VWF: variants seen among roughly 807,000 people sequenced by gnomAD.
The protein encoded by VWF is von Willebrand factor, also known as Factor VIII related antigen.
In VWF, 176 loss-of-function variants were observed where a neutral mutation model predicts 308.6. That is an observed-to-expected ratio of 0.57 (90% CI 0.50 to 0.65). The LOEUF (loss-of-function observed/expected upper bound fraction) is 0.65, where lower values mean the gene tolerates loss of function less well. Ranked by LOEUF, VWF falls within the 30% of genes least tolerant of loss-of-function variation. The pLI, the probability that VWF is intolerant of heterozygous loss-of-function variation, is 0.00. For synonymous variants in VWF, 1,385 were observed against 1,443.4 expected (o/e 0.96, Z 0.92); for missense variants, 3,146 against 3,648.2 (o/e 0.86, Z 3.55).
intron 15 of VWF, among the ~76,000 whole-genome samples, chr12:6,054,067 A>G (rs1303618304): frequency 6.6e-6 from 1 of 152,108 alleles, no homozygotes; most frequent in Non-Finnish European, 1.5e-5. Context: ...GACCATCACA[A>G]TCCTTCCCCT....
At chr12:6,105,388 C>T (rs1332007352) in intron 5 of VWF, among the ~76,000 whole-genome samples, 1 of 152,070 alleles carries the variant, frequency 6.6e-6, no homozygotes, top group Non-Finnish European at 1.5e-5. Flanking sequence ...GCTACCACCC[C>T]CAGCTAATTT....
intron 34 of VWF, among the ~76,000 whole-genome samples, chr12:6,010,851 TG>T (rs1743685387): frequency 6.6e-6 from 1 of 152,038 alleles, no homozygotes; most frequent in Non-Finnish European, 1.5e-5. Flanking sequence ...TACGCAAGAG[TG>T]GGTATCTAGT....
chr12:6,059,289 T>G (rs909605504), intron 13 of VWF, among the ~76,000 whole-genome samples: 1 of 152,208 alleles, frequency 6.6e-6, no homozygotes, highest in Non-Finnish European at 1.5e-5. Context: ...TCTATCACTT[T>G]CCGATCTATA....
chr12:6,029,619 C>T, intron 21 of VWF, 131 bp from the exon 22 acceptor site: 1 of 1,222,656 alleles, frequency 8.2e-7, no homozygotes, highest in Admixed American at 2.0e-5. Context: ...CCTCCAGGAC[C>T]CCACCTGCCA....
At chr12:6,003,963 C>T (rs372618687) in intron 34 of VWF, among the ~76,000 whole-genome samples, 10 of 151,940 alleles carry the variant, frequency 6.6e-5, no homozygotes, top group African/African-American at 2.4e-4. Context: ...CTACAGGCGC[C>T]CGCCACCACG....
chr12:6,117,912 G>A (rs144504706), intron 3 of VWF, among the ~76,000 whole-genome samples: 6 of 152,318 alleles, frequency 3.9e-5, no homozygotes, highest in Non-Finnish European at 8.8e-5. Flanking sequence ...CGGGTTTTCC[G>A]ACTGCAACTC....
In VWF at chr12:6,061,031, T is replaced by C. The variant is rs575410337; in HGVS notation, c.1533+1923A>G. On this transcript the variant is annotated intron_variant, in intron 13 of 51. Coordinates refer to ENST00000261405, the MANE Select transcript of VWF (RefSeq NM_000552.5). Reference sequence around the variant, plus strand: ...GCCTGGCCAACATGGTGAAACCCCATCTCTATTAAAAATACAAAAATTAGC... The same window carrying C: ...GCCTGGCCAACATGGTGAAACCCCACCTCTATTAAAAATACAAAAATTAGC... 2.0e-5 allele frequency among the ~76,000 whole-genome samples: 3 copies of C among 152,168 alleles called. No homozygotes were observed. In the East Asian group the frequency reaches 5.8e-4, roughly 29 times the overall value.
At chr12:5,988,432 C>T (rs78064719) in intron 38 of VWF, among the ~76,000 whole-genome samples, 4 of 152,098 alleles carry the variant, frequency 2.6e-5, no homozygotes, top group Non-Finnish European at 5.9e-5. Context: ...TGAGGGGATG[C>T]GGAAGGAGAG....
At chr12:6,092,880 A>C (rs1945065493) in intron 6 of VWF, among the ~76,000 whole-genome samples, 1 of 151,900 alleles carries the variant, frequency 6.6e-6, no homozygotes, top group South Asian at 2.1e-4. Flanking sequence ...TGTATATGCA[A>C]ATGCCTCCTC....
chr12:6,095,466 C>T lies in VWF; in HGVS notation c.651G>A (p.Met217Ile). ...SSSCNISSGEMQKGLWEQCQL... is the reference protein window; with the variant it reads ...SSSCNISSGEIQKGLWEQCQL... ...CAGGCCAGTCCACACCCACCTTCTG[C>T]ATTTCCCCAGAGGAGATGTTGCATG... The change falls in exon 6 of 52, where the codon ATG becomes ATA. Residue 217 changes from methionine (M) to isoleucine (I), a missense_variant. Coordinates refer to ENST00000261405, the MANE Select transcript of VWF (RefSeq NM_000552.5). The T allele has an allele frequency of 6.2e-7, 1 of 1,614,106 alleles. No homozygotes were observed. The highest frequency in any genetic ancestry group is 8.5e-7 in the Non-Finnish European group (1 of 1,179,976).
At chr12:5,998,662 A>T (rs1466553482) in intron 34 of VWF, among the ~76,000 whole-genome samples, 1 of 151,414 alleles carries the variant, frequency 6.6e-6, no homozygotes, top group Non-Finnish European at 1.5e-5. Context: ...AATTACTATG[A>T]AAAAAGCATG....
chr12:5,962,538 CTTTTT>C (rs35124526), intron 47 of VWF, among the ~76,000 whole-genome samples: 112 of 101,594 alleles, frequency 1.1e-3, no homozygotes, highest in African/African-American at 4.1e-3. Flanking sequence ...ACAGGCAATT[CTTTTT>C]TTTTTTTTTT....
At chr12:6,051,130 AT>A (rs1944504731) in intron 16 of VWF, among the ~76,000 whole-genome samples, 1 of 152,150 alleles carries the variant, frequency 6.6e-6, no homozygotes, top group Non-Finnish European at 1.5e-5. Flanking sequence ...TTAAAAAACT[AT>A]TCCAGCCACA....
intron 6 of VWF, among the ~76,000 whole-genome samples, chr12:6,085,023 C>A (rs892866264): frequency 6.6e-6 from 1 of 152,214 alleles, no homozygotes; most frequent in Non-Finnish European, 1.5e-5. Flanking sequence ...ACATTCCTCT[C>A]TCTAAGATAG....
intron 6 of VWF, 168 bp downstream of exon 6, chr12:6,095,292 G>T (rs1945093317): frequency 9.4e-7 from 1 of 1,066,124 alleles, no homozygotes; most frequent in Non-Finnish European, 1.4e-6. Context: ...AGAGCTTCAG[G>T]CTCGAGATGT....
chr12:6,078,930 C>A (rs1260015406), intron 6 of VWF, among the ~76,000 whole-genome samples: 4 of 152,180 alleles, frequency 2.6e-5, no homozygotes, highest in Admixed American at 2.0e-4. Context: ...AAAGCCTTAG[C>A]AAGAAGGGTG....
intron 6 of VWF, among the ~76,000 whole-genome samples, chr12:6,079,408 C>T (rs1197945828): frequency 2.0e-5 from 3 of 152,036 alleles, no homozygotes; most frequent in Non-Finnish European, 2.9e-5. Context: ...AGATCAAGAC[C>T]ATCCTGGCTA....
chr12:6,072,127 G>A (rs927152150), intron 9 of VWF, among the ~76,000 whole-genome samples: 3 of 152,078 alleles, frequency 2.0e-5, no homozygotes, highest in Admixed American at 6.5e-5. Context: ...CATCTTCAAG[G>A]CTTATTTATC....
chr12:6,044,703 A>C (rs1944430353), intron 17 of VWF, among the ~76,000 whole-genome samples: 1 of 152,178 alleles, frequency 6.6e-6, no homozygotes, highest in African/African-American at 2.4e-5. Context: ...AATGTCCCAT[A>C]CTTGTCATCA....
Sources: gnomAD v4.1 joint callset for allele counts (sites outside exome capture counted in the v4.1 genomes callset) on GRCh38, gnomAD v4.1.1 for gene constraint, MANE v1.5 for transcripts, NCBI Gene and HGNC (gene_info 2026-07-23, HGNC 2026-07-21) for gene names.